Variants in HS6ST2 observed in about 807,000 individuals in gnomAD.
HS6ST2 encodes heparan sulfate 6-O-sulfotransferase 2, also known as heparan-sulfate 6-O-sulfotransferase 2.
A neutral mutation model predicts 33.0 loss-of-function variants in HS6ST2; 17 were observed. That is an observed-to-expected ratio of 0.52 (90% CI 0.35 to 0.77). The LOEUF (loss-of-function observed/expected upper bound fraction) is 0.77, where lower values mean the gene tolerates loss of function less well. Ranked by LOEUF, HS6ST2 falls within the 30% of genes least tolerant of loss-of-function variation. The probability of loss-of-function intolerance (pLI) is 0.01; values close to 1 mark genes in which losing one functional copy is unlikely to be tolerated. For synonymous variants in HS6ST2, 248 were observed against 237.1 expected (o/e 1.05, Z -0.42); for missense variants, 519 against 551.7 (o/e 0.94, Z 0.59).
At chrX:132,934,705 T>C (rs1000063846) in intron 2 of HS6ST2, among the ~76,000 whole-genome samples, 13 of 110,831 alleles carry the variant, frequency 1.2e-4, no homozygotes, top group African/African-American at 4.3e-4. Context: ...ACAGGAGCAA[T>C]AGGGGAACAA....
At chrX:132,947,065 A>G (rs754997456) in intron 2 of HS6ST2, among the ~76,000 whole-genome samples, 53 of 111,830 alleles carry the variant, frequency 4.7e-4, no homozygotes, top group African/African-American at 1.7e-3. Context: ...AGCACTGCAT[A>G]TGATCAGATA....
chrX:132,791,644 CA>C (rs1219856903), intron 2 of HS6ST2, among the ~76,000 whole-genome samples: 1 of 111,564 alleles, frequency 9.0e-6, no homozygotes, highest in East Asian at 2.8e-4. Flanking sequence ...TGTGAACTAG[CA>C]AAAAAGTTTT....
chrX:132,784,800 A>AACAATTTG (rs1481337102), intron 2 of HS6ST2, among the ~76,000 whole-genome samples: 3 of 112,043 alleles, frequency 2.7e-5, no homozygotes, highest in African/African-American at 9.7e-5. Context: ...CACATCAAAA[A>AACAATTTG]ACAATCCCAC....
At chrX:132,959,417 G>C (rs2067126785), upstream of HS6ST2, among the ~76,000 whole-genome samples, 6 of 112,064 alleles carry the variant, frequency 5.4e-5, no homozygotes, top group Admixed American at 5.6e-4. Flanking sequence ...TTCCGTGACT[G>C]AGTGTGCAAC....
At chrX:132,662,082 G>A (rs191188350) in intron 4 of HS6ST2, among the ~76,000 whole-genome samples, 1 of 111,690 alleles carries the variant, frequency 9.0e-6, no homozygotes, top group African/African-American at 3.2e-5. Flanking sequence ...CTGGCATAAC[G>A]ATAAACATAT....
At chrX:132,715,435 A>AAAACC (rs764143903) in intron 2 of HS6ST2, among the ~76,000 whole-genome samples, 1 of 111,707 alleles carries the variant, frequency 9.0e-6, no homozygotes, top group South Asian at 3.8e-4. Context: ...CACTGTCTCT[A>AAAACC]AAACCAAAAC....
At chrX:132,746,960 C>A (rs369866376) in intron 2 of HS6ST2, among the ~76,000 whole-genome samples, 54 of 112,216 alleles carry the variant, frequency 4.8e-4, no homozygotes, top group African/African-American at 1.7e-3. Context: ...AAACAAGAGT[C>A]AAACTTTTGT....
At chrX:132,888,990 A>T (rs1326538796) in intron 2 of HS6ST2, among the ~76,000 whole-genome samples, 1 of 110,886 alleles carries the variant, frequency 9.0e-6, no homozygotes, top group South Asian at 3.9e-4. Context: ...ATCCCAATTT[A>T]CAGGTGAAGA....
chrX:132,684,085 T>C (rs1490787807), intron 3 of HS6ST2, among the ~76,000 whole-genome samples: 1 of 109,073 alleles, frequency 9.2e-6, no homozygotes, highest in Non-Finnish European at 1.9e-5. Flanking sequence ...CGCTGGATAA[T>C]AGCATTCTCA....
chrX:132,683,993 A>G (rs2063994837), intron 3 of HS6ST2, among the ~76,000 whole-genome samples: 1 of 110,428 alleles, frequency 9.1e-6, no homozygotes, highest in Admixed American at 9.8e-5. Context: ...TCAAAATCTT[A>G]AAGAGCAAGA....
At chrX:132,919,492 A>G (rs2066628781) in intron 2 of HS6ST2, among the ~76,000 whole-genome samples, 1 of 111,989 alleles carries the variant, frequency 8.9e-6, no homozygotes, top group Non-Finnish European at 1.9e-5. Context: ...TTATTTCTTG[A>G]GATTTATAGG....
chrX:132,673,428 G>C (rs759602344), intron 3 of HS6ST2, among the ~76,000 whole-genome samples: 1 of 112,437 alleles, frequency 8.9e-6, no homozygotes, highest in East Asian at 2.8e-4. Flanking sequence ...AGTCACTGAA[G>C]GTTGGTCATC....
chrX:132,671,859 T>G (rs755403962), intron 3 of HS6ST2, among the ~76,000 whole-genome samples: 1 of 112,018 alleles, frequency 8.9e-6, no homozygotes, highest in South Asian at 3.8e-4. Context: ...TTAACAGTGA[T>G]GAAATGTATC....
intron 2 of HS6ST2, among the ~76,000 whole-genome samples, chrX:132,822,672 T>C (rs1249053158): frequency 1.8e-5 from 2 of 112,177 alleles, no homozygotes; most frequent in Admixed American, 1.9e-4. Flanking sequence ...AGCAGTTGGG[T>C]TAATTCATTA....
intron 2 of HS6ST2, among the ~76,000 whole-genome samples, chrX:132,778,756 C>G (rs1174327408): frequency 9.0e-6 from 1 of 110,817 alleles, no homozygotes; most frequent in African/African-American, 3.3e-5. Context: ...GAATTTAAAG[C>G]CCTAAATCTT....
intron 2 of HS6ST2, among the ~76,000 whole-genome samples, chrX:132,781,432 T>C (rs779516268): frequency 9.1e-6 from 1 of 110,390 alleles, no homozygotes; most frequent in Admixed American, 9.7e-5. Flanking sequence ...GGGAGGGGAA[T>C]AGCTTTTCAA....
intron 2 of HS6ST2, among the ~76,000 whole-genome samples, chrX:132,802,304 C>G (rs902562986): frequency 9.0e-6 from 1 of 111,279 alleles, no homozygotes; most frequent in Non-Finnish European, 1.9e-5. Context: ...GTCTAAAACC[C>G]GGGCAGCACA....
intron 2 of HS6ST2, among the ~76,000 whole-genome samples, chrX:132,852,255 G>A (rs953311400): frequency 8.9e-6 from 1 of 112,066 alleles, no homozygotes; most frequent in Non-Finnish European, 1.9e-5. Context: ...AAACTGCCAT[G>A]TTATCAGTAC....
chrX:132,707,183 C>T (rs771642675), intron 3 of HS6ST2, among the ~76,000 whole-genome samples: 22 of 111,997 alleles, frequency 2.0e-4, no homozygotes, highest in South Asian at 1.1e-3. Flanking sequence ...AATGGTCATC[C>T]GCTCCATTTT....
Sources: gnomAD v4.1 joint callset for allele counts (sites outside exome capture counted in the v4.1 genomes callset) on GRCh38, gnomAD v4.1.1 for gene constraint, MANE v1.5 for transcripts, NCBI Gene and HGNC (gene_info 2026-07-23, HGNC 2026-07-21) for gene names.